Variants in DARS1 observed in about 807,000 individuals in gnomAD.
DARS1 encodes aspartyl-tRNA synthetase 1.
A neutral mutation model predicts 68.8 loss-of-function variants in DARS1; 51 were observed. The observed-to-expected ratio is 0.74, with a 90% CI of 0.59 to 0.94. The LOEUF (loss-of-function observed/expected upper bound fraction) is 0.94. DARS1 is among the 40% of genes least tolerant of loss of function. The pLI, the probability that DARS1 is intolerant of heterozygous loss-of-function variation, is 0.00. For missense variants in DARS1, 607 were observed against 597.3 expected (o/e 1.02, Z -0.17); for synonymous variants, 203 against 190.4 (o/e 1.07, Z -0.55).
Position 135,933,894 on chromosome 2 carries a change from T to A in DARS1, c.504+16A>T. The A allele has an allele frequency of 6.2e-7, 1 of 1,609,368 alleles. No individual in the cohort carries two copies. The highest frequency in any genetic ancestry group is 1.3e-5 in the African/African-American group (1 of 74,956). ...TATACAGCGGAAGCATAATATTTCA[T>A]AAGTATAATTTTTACCTCTTCTCCT... On this transcript the variant is annotated intron_variant, in intron 6 of 15. Transcript: ENST00000264161.
chr2:135,924,602 A>C, intron 7 of DARS1, 104 bp from the exon 8 acceptor site: 1 of 1,445,734 alleles, frequency 6.9e-7, no homozygotes, highest in Non-Finnish European at 9.1e-7. Flanking sequence ...TGCTTTCAAC[A>C]TTTTTAAATT....
At chr2:135,944,959 C>G (rs1303981866) in intron 4 of DARS1, among the ~76,000 whole-genome samples, 1 of 152,138 alleles carries the variant, frequency 6.6e-6, no homozygotes, top group Non-Finnish European at 1.5e-5. Context: ...CTTCATCAAG[C>G]AACCTGACCT....
At chr2:135,977,634 T>A (rs1465585885) in intron 3 of DARS1, among the ~76,000 whole-genome samples, 1 of 152,148 alleles carries the variant, frequency 6.6e-6, no homozygotes, top group African/African-American at 2.4e-5. Flanking sequence ...GCCCAACCTT[T>A]CAGGAAGGCA....
rs1269304066 is a variant in DARS1, at chr2:135,933,970, A to T, written c.444T>A (p.Ala148=). The change falls in exon 6 of 16, where the codon GCT becomes GCA. Residue 148 remains alanine (A), a synonymous_variant. Transcript: ENST00000264161. ...HVQKIYVISL[A]EPRLPLQLDD... ...CCAGCTGCAGGGGCAGACGGGGTTC[A>T]GCCAAACTGATCACATAAATCTGTA... 6.2e-7 allele frequency: 1 copy of T among 1,613,196 alleles called. No homozygotes were observed. The highest frequency in any genetic ancestry group is 2.2e-5 in the East Asian group (1 of 44,862).
At chr2:135,960,886 T>C (rs960924299) in intron 4 of DARS1, among the ~76,000 whole-genome samples, 18 of 152,258 alleles carry the variant, frequency 1.2e-4, no homozygotes, top group African/African-American at 4.1e-4. Context: ...AAGCAAGTTT[T>C]ACCTTTTTTC....
At chr2:135,966,435 ATCTT>A (rs1411154867) in intron 3 of DARS1, among the ~76,000 whole-genome samples, 8 of 152,236 alleles carry the variant, frequency 5.3e-5, no homozygotes, top group Non-Finnish European at 1.0e-4. Context: ...AATATTATTA[ATCTT>A]TCTTCTTGGA....
chr2:135,963,515 GCACGTGC>G (rs1232491209), intron 3 of DARS1, among the ~76,000 whole-genome samples: 1 of 151,762 alleles, frequency 6.6e-6, no homozygotes, highest in Non-Finnish European at 1.5e-5. Context: ...GGGATTACAG[GCACGTGC>G]CACCAGGCCT....
At chr2:135,942,559 C>T (rs1402169141) in intron 5 of DARS1, among the ~76,000 whole-genome samples, 2 of 151,506 alleles carry the variant, frequency 1.3e-5, no homozygotes, top group East Asian at 1.9e-4. Context: ...ATGTAAATGA[C>T]GAGTTAATGG....
chr2:135,927,780 C>T (rs1170701728), intron 7 of DARS1, among the ~76,000 whole-genome samples: 1 of 152,028 alleles, frequency 6.6e-6, no homozygotes, highest in South Asian at 2.1e-4. Context: ...AACTTTAGTT[C>T]TAAAAAAGCT....
chr2:135,977,517 G>A (rs970857183), intron 3 of DARS1, among the ~76,000 whole-genome samples: 3 of 152,152 alleles, frequency 2.0e-5, no homozygotes, highest in Non-Finnish European at 1.5e-5. Flanking sequence ...CTATGTTTAG[G>A]AAAAAGTGCC....
chr2:135,961,334 C>G, intron 4 of DARS1, 62 bp downstream of exon 4: 1 of 851,254 alleles, frequency 1.2e-6, no homozygotes, highest in Non-Finnish European at 2.0e-6. Flanking sequence ...TGGTCCAAAC[C>G]CCTGGGAGTC....
chr2:135,945,179 G>A (rs990692579), intron 4 of DARS1, among the ~76,000 whole-genome samples: 1 of 151,900 alleles, frequency 6.6e-6, no homozygotes, highest in Non-Finnish European at 1.5e-5. Context: ...CTAGGCTGGA[G>A]TGCAGTGGCT....
At chr2:135,982,583 G>A (rs952400990) in intron 2 of DARS1, among the ~76,000 whole-genome samples, 18 of 150,280 alleles carry the variant, frequency 1.2e-4, no homozygotes, top group African/African-American at 3.4e-4. Flanking sequence ...GCGACAGAGC[G>A]AGCCTCTGTC....
chr2:135,944,852 A>G (rs1372503338), intron 4 of DARS1, among the ~76,000 whole-genome samples: 1 of 152,186 alleles, frequency 6.6e-6, no homozygotes, highest in Admixed American at 6.5e-5. Context: ...AGTAAATGTG[A>G]TAACTGAGTG....
Position 135,908,441 on chromosome 2 carries a change from G to A in DARS1, c.1415-1034C>T, listed in dbSNP as rs1169887395. On this transcript the variant is annotated intron_variant, in intron 15 of 15. Coordinates refer to ENST00000264161, the MANE Select transcript of DARS1 (RefSeq NM_001349.4). ...TGTTTATATCCAAAGGAATGGGACT[G>A]CGGGGTCAAATGGTATTTCTGGTTC... is the stretch of plus-strand genomic sequence containing the variant. Among the ~76,000 whole-genome samples, 3 of 152,172 alleles carry A rather than the reference G, an allele frequency of 2.0e-5. No homozygotes were observed. In the East Asian group the frequency reaches 5.8e-4, roughly 29 times the overall value.
intron 3 of DARS1, among the ~76,000 whole-genome samples, chr2:135,962,677 A>T (rs1258727726): frequency 2.0e-5 from 3 of 152,208 alleles, no homozygotes; most frequent in Non-Finnish European, 4.4e-5. Flanking sequence ...CCACTAAAAA[A>T]CACTCTTAAT....
At chr2:135,928,961 A>C (rs575521658) in intron 7 of DARS1, among the ~76,000 whole-genome samples, 24 of 152,282 alleles carry the variant, frequency 1.6e-4, no homozygotes, top group African/African-American at 5.8e-4. Flanking sequence ...GCTGTCTGCA[A>C]TTGCTATTAT....
At chr2:135,942,584 C>A (rs1450241528) in intron 5 of DARS1, among the ~76,000 whole-genome samples, 1 of 151,984 alleles carries the variant, frequency 6.6e-6, no homozygotes, top group Non-Finnish European at 1.5e-5. Flanking sequence ...AGCACACCAA[C>A]ATGGCGCATG....
chr2:135,950,126 T>C (rs1184138702), intron 4 of DARS1, among the ~76,000 whole-genome samples: 1 of 152,208 alleles, frequency 6.6e-6, no homozygotes, highest in Admixed American at 6.5e-5. Context: ...TAGGGCTTCA[T>C]GGAATTAACA....
Sources: allele counts gnomAD v4.1 joint callset (sites outside exome capture counted in the v4.1 genomes callset), GRCh38; gene constraint gnomAD v4.1.1; transcripts MANE v1.5; gene names NCBI Gene and HGNC (gene_info 2026-07-23, HGNC 2026-07-21).